Variants in RTL4 observed in about 807,000 individuals in gnomAD.
RTL4 encodes the protein retrotransposon Gag like 4, also known as retrotransposon Gag-like protein 4.
Under a neutral mutation model 5.3 loss-of-function variants are expected in RTL4, and 4 were observed. That is an observed-to-expected ratio of 0.75 (90% CI 0.37 to 1.72). The LOEUF is 1.72. Ranked by LOEUF, RTL4 falls within the 40% of genes most tolerant of loss-of-function variation. RTL4 has a pLI of 0.04. For synonymous variants in RTL4, 98 were observed against 87.3 expected (o/e 1.12, Z -0.68); for missense variants, 260 against 227.1 (o/e 1.14, Z -0.93).
chrX:112,355,493 G>T, the RTL4 span, among the ~76,000 whole-genome samples: 805 of 111,410 alleles, frequency 7.2e-3, 4 homozygotes, highest in African/African-American at 0.025. Flanking sequence ...ATAGAAGGGT[G>T]TTTGAGTAAG....
the RTL4 span, among the ~76,000 whole-genome samples, chrX:112,435,707 A>T: frequency 0.22 from 24,795 of 111,038 alleles, 2,128 homozygotes; most frequent in Middle Eastern, 0.28. Flanking sequence ...AAGTCCGAAA[A>T]GAGACAAGTG....
chrX:112,331,916 C>A, the RTL4 span, among the ~76,000 whole-genome samples: 1 of 97,453 alleles, frequency 1.0e-5, no homozygotes, highest in African/African-American at 4.0e-5. Flanking sequence ...GAACAAAAAA[C>A]CAAACACCAC....
the RTL4 span, among the ~76,000 whole-genome samples, chrX:112,390,373 A>T: frequency 1.9e-5 from 2 of 102,605 alleles, no homozygotes; most frequent in African/African-American, 7.2e-5. Flanking sequence ...ACTCGCTTGA[A>T]CCCAGGAGAC....
chrX:112,175,969 TC>T, the RTL4 span, among the ~76,000 whole-genome samples: 5 of 110,441 alleles, frequency 4.5e-5, no homozygotes, highest in African/African-American at 1.7e-4. Context: ...TGATTGTATA[TC>T]TAGAAAACCC....
chrX:112,379,086 A>G, the RTL4 span, among the ~76,000 whole-genome samples: 1,495 of 112,464 alleles, frequency 0.013, 31 homozygotes, highest in African/African-American at 0.046. Context: ...TAGACTATGA[A>G]ACTTATTTTA....
chrX:112,168,968 T>C, the RTL4 span, among the ~76,000 whole-genome samples: 1 of 107,766 alleles, frequency 9.3e-6, no homozygotes, highest in African/African-American at 3.4e-5. Context: ...TCTTTCTTTT[T>C]CTTTCTTTCT....
chrX:112,290,471 G>T, the RTL4 span, among the ~76,000 whole-genome samples: 1 of 112,057 alleles, frequency 8.9e-6, no homozygotes, highest in African/African-American at 3.2e-5. Flanking sequence ...TCATCCTGGG[G>T]AGTCATGGGA....
the RTL4 span, among the ~76,000 whole-genome samples, chrX:112,376,472 C>G: frequency 9.0e-6 from 1 of 111,501 alleles, no homozygotes; most frequent in African/African-American, 3.3e-5. Flanking sequence ...CTCTGAAACT[C>G]TCCTCCACTA....
the RTL4 span, among the ~76,000 whole-genome samples, chrX:112,113,904 G>A: frequency 1.1e-4 from 12 of 111,362 alleles, no homozygotes; most frequent in Middle Eastern, 9.5e-3. Context: ...CTCTGATCTC[G>A]CTTTTCCTTT....
the RTL4 span, among the ~76,000 whole-genome samples, chrX:112,180,008 C>T: frequency 9.0e-6 from 1 of 110,947 alleles, no homozygotes; most frequent in African/African-American, 3.3e-5. Context: ...AGAACATGGG[C>T]GTATTTTGCA....
chrX:112,438,914 G>A, the RTL4 span, among the ~76,000 whole-genome samples: 707 of 111,927 alleles, frequency 6.3e-3, 2 homozygotes, highest in Middle Eastern at 0.018. Flanking sequence ...CTGTAATAGG[G>A]AGTGTTAAAC....
chrX:112,318,930 G>GGGGAGA, the RTL4 span, among the ~76,000 whole-genome samples: 3 of 111,712 alleles, frequency 2.7e-5, no homozygotes, highest in African/African-American at 9.8e-5. Context: ...AAAAAGATGA[G>GGGGAGA]GGGAGAGGGA....
the RTL4 span, among the ~76,000 whole-genome samples, chrX:112,374,936 G>T: frequency 8.9e-6 from 1 of 111,923 alleles, no homozygotes; most frequent in African/African-American, 3.2e-5. Flanking sequence ...TTGTTACCTT[G>T]CAACAAGGGA....
the RTL4 span, among the ~76,000 whole-genome samples, chrX:112,255,858 C>G: frequency 9.0e-6 from 1 of 111,691 alleles, no homozygotes; most frequent in African/African-American, 3.2e-5. Flanking sequence ...AAATATCTTT[C>G]CTAATTTATG....
chrX:112,438,279 G>C, the RTL4 span, among the ~76,000 whole-genome samples: 1 of 111,402 alleles, frequency 9.0e-6, no homozygotes, highest in Non-Finnish European at 1.9e-5. Context: ...GTTGATGCTG[G>C]CTATTGTCAG....
the RTL4 span, among the ~76,000 whole-genome samples, chrX:112,120,543 T>C: frequency 9.2e-6 from 1 of 108,869 alleles, no homozygotes; most frequent in Middle Eastern, 4.3e-3. Flanking sequence ...CCCAAAGTTC[T>C]GGGATTAACA....
the RTL4 span, among the ~76,000 whole-genome samples, chrX:112,123,322 A>G: frequency 1.8e-5 from 2 of 112,521 alleles, no homozygotes; most frequent in South Asian, 3.6e-4. Flanking sequence ...TACAAGTTAC[A>G]CAAATTGCAT....
chrX:112,118,506 G>A, the RTL4 span, among the ~76,000 whole-genome samples: 1 of 112,025 alleles, frequency 8.9e-6, no homozygotes, highest in South Asian at 3.7e-4. Flanking sequence ...AAAGAAGGAA[G>A]CCACAGTCTT....
the RTL4 span, among the ~76,000 whole-genome samples, chrX:112,177,528 T>G: frequency 1.6e-5 from 1 of 64,480 alleles, no homozygotes; most frequent in Non-Finnish European, 3.3e-5. Context: ...TTATTTGGGA[T>G]TTTTTTTTTT....
Sources: gnomAD v4.1 joint callset for allele counts (sites outside exome capture counted in the v4.1 genomes callset) on GRCh38, gnomAD v4.1.1 for gene constraint, MANE v1.5 for transcripts, NCBI Gene and HGNC (gene_info 2026-07-23, HGNC 2026-07-21) for gene names.